DMBT1: variants seen among roughly 807,000 people sequenced by gnomAD.
DMBT1 encodes the protein deleted in malignant brain tumors 1.
A neutral mutation model predicts 252.9 loss-of-function variants in DMBT1; 198 were observed. The ratio of observed to expected loss-of-function variants is 0.78; its 90% CI spans 0.70 to 0.88. The LOEUF (loss-of-function observed/expected upper bound fraction) is 0.88. Among genes scored for constraint, DMBT1 ranks in the 40% least tolerant of loss-of-function variants. The pLI is 0.00. For synonymous variants in DMBT1, 990 were observed against 942.7 expected (o/e 1.05, Z -0.92); for missense variants, 2,432 against 2,404.7 (o/e 1.01, Z -0.24).
At chr10:122,591,657 C>T in intron 19 of DMBT1, 140 bp downstream of exon 19, 3 of 1,004,052 alleles carry the variant, frequency 3.0e-6, no homozygotes, top group Admixed American at 2.2e-5. Context: ...GAAGTTGAGT[C>T]TCTGGGGAAC....
At chr10:122,593,200 G>C (rs948297571) in intron 20 of DMBT1, among the ~76,000 whole-genome samples, 2 of 148,912 alleles carry the variant, frequency 1.3e-5, no homozygotes, top group South Asian at 2.3e-4. Context: ...GACAGGCCAG[G>C]CATGGCCTTG....
At chr10:122,561,771 C>G (rs1017526426) in intron 1 of DMBT1, among the ~76,000 whole-genome samples, 1 of 151,416 alleles carries the variant, frequency 6.6e-6, no homozygotes, top group African/African-American at 2.4e-5. Context: ...TCTCCCTGCC[C>G]CCCTCACTGT....
In DMBT1 at chr10:122,586,356, A is replaced by G. The variant is rs372725474; in HGVS notation, c.1756A>G (p.Ser586Gly). ...CTGGCTCTCCCATAACTGTGGCCAT[A>G]GTGAAGACGCTGGTGTCATCTGCTC... Reference protein sequence around the residue: ...NGWLSHNCGHSEDAGVICSGP... With the variant: ...NGWLSHNCGHGEDAGVICSGP... The change falls in exon 16 of 56, where the codon AGT becomes GGT. Residue 586 changes from serine (S) to glycine (G), a missense_variant. Physicochemically the swap from Ser to Gly is moderately conservative, Grantham distance 56 (BLOSUM62 0). This residue lies in a region of DMBT1 where 1,264 missense variants were observed against 1,082.2 expected (regional missense o/e 1.17). Coordinates refer to ENST00000338354, the MANE Select transcript of DMBT1 (RefSeq NM_001377530.1). 1.9e-6 allele frequency: 3 copies of G among 1,588,614 alleles called. No individual in the cohort carries two copies. The highest frequency in any genetic ancestry group is 2.6e-6 in the Non-Finnish European group (3 of 1,165,812).
At position 122,619,334 on chromosome 10, in the gene DMBT1, C is replaced by T. The variant is rs767592252; in HGVS notation, c.5242C>T (p.Pro1748Ser). 29 of 1,613,850 alleles carry T rather than the reference C, an allele frequency of 1.8e-5. No homozygotes were observed. In the East Asian group the frequency reaches 6.2e-4, roughly 35 times the overall value. Residue 1748 changes from proline (P) to serine (S), a missense_variant, in exon 42 of 56, where the codon CCA becomes TCA. This residue lies in a region of DMBT1 where 1,162 missense variants were observed against 1,169.0 expected (regional missense o/e 0.99). Transcript: ENST00000338354. ...SAAQSQSTPR[P>S]DTWLTTNLPA... is the part of the protein sequence containing the mutation. ...TGCTCAGTCCCAGTCAACGCCCAGG[C>T]CAGGTGAGTCCCCAGCATCCTTCAT...
intron 49 of DMBT1, 129 bp downstream of exon 49, chr10:122,631,410 C>A: frequency 8.4e-7 from 1 of 1,185,582 alleles, no homozygotes; most frequent in Non-Finnish European, 1.2e-6. Context: ...GGCCTGCGCA[C>A]TCCAGAAGAG....
chr10:122,630,357 CCTG>C lies in DMBT1; in HGVS notation c.5896_5898del (p.Leu1966del), dbSNP rs755109107. On this transcript the variant is annotated inframe_deletion, in exon 48 of 56. Transcript: ENST00000338354. ...TTGATGGATCATTGAATAGCAGTCT[CCTG>C]CTGGGGAAAATCTGTAATGATACCA... 6.2e-7 allele frequency: 1 copy of C among 1,613,940 alleles called. No homozygotes were observed. The highest frequency in any genetic ancestry group is 2.2e-5 in the East Asian group (1 of 44,886).
At chr10:122,642,210 AT>A (rs1450209101) in intron 55 of DMBT1, among the ~76,000 whole-genome samples, 13 of 151,710 alleles carry the variant, frequency 8.6e-5, no homozygotes, top group African/African-American at 3.2e-4. Flanking sequence ...AAAACTTGGT[AT>A]TTGAGAGAAT....
Position 122,560,791 on chromosome 10 carries a change from C to A in DMBT1, c.21C>A (p.Ile7=). Residue 7 remains isoleucine, a synonymous_variant, in exon 1 of 56, where the codon ATC becomes ATA. Coordinates refer to ENST00000338354, the MANE Select transcript of DMBT1 (RefSeq NM_001377530.1). MGISTV[I]LEMCLLWGQV... is the part of the protein sequence containing the mutation. ...GCAAAATGGGGATCTCCACAGTCAT[C>A]CTTGAAATGTGTCTTTTATGGGGAC... The A allele has an allele frequency of 6.4e-7, 1 of 1,574,416 alleles. No homozygotes were observed. Among genetic ancestry groups the A allele is most frequent in the Non-Finnish European group, 8.6e-7 (1 of 1,157,950 alleles).
chr10:122,564,380 G>A (rs1387737532), intron 1 of DMBT1, among the ~76,000 whole-genome samples: 1 of 152,206 alleles, frequency 6.6e-6, no homozygotes, highest in Non-Finnish European at 1.5e-5. Flanking sequence ...GAGGCAGGAG[G>A]CTCGCTTGAA....
At chr10:122,580,539 C>T (rs1036158763) in intron 10 of DMBT1, among the ~76,000 whole-genome samples, 1 of 152,188 alleles carries the variant, frequency 6.6e-6, no homozygotes, top group African/African-American at 2.4e-5. Context: ...GAAGATCGCA[C>T]AAGGGATTTT....
In DMBT1 at chr10:122,588,940, A is replaced by G. The variant is rs368574412; in HGVS notation, c.1784-4A>G. ...TGATGAAGGGTTCTTGTGTTCTCCTATAGGACCTGAATCCAGTTTGGCCCT... is the reference window on the plus strand; with the variant it reads ...TGATGAAGGGTTCTTGTGTTCTCCTGTAGGACCTGAATCCAGTTTGGCCCT... On this transcript the variant is annotated splice_region_variant and splice_polypyrimidine_tract_variant and intron_variant, in intron 16 of 55. Transcript: ENST00000338354. 155 of 1,587,534 alleles carry G rather than the reference A, an allele frequency of 9.8e-5. 10 individuals carry two copies. Among genetic ancestry groups the G allele is most frequent in the African/African-American group, 7.6e-4 (57 of 74,512 alleles).
chr10:122,618,043 C>T lies in DMBT1; in HGVS notation c.4918C>T (p.Leu1640=). The T allele has an allele frequency of 6.2e-7, 1 of 1,613,256 alleles. No homozygotes were observed. The highest frequency in any genetic ancestry group is 8.5e-7 in the Non-Finnish European group (1 of 1,179,770). ...ATCTGAATCCACTTTGGCCCTGAGA[C>T]TGGTGAATGGAGGTGACAGGTGTCG... The part of the protein sequence containing the change: ...AGSESTLALR[L]VNGGDRCRGR... Residue 1640 remains leucine, a synonymous_variant, in exon 41 of 56, where the codon CTG becomes TTG. Transcript: ENST00000338354.
At chr10:122,636,401 G>A (rs2098227361) in intron 53 of DMBT1, among the ~76,000 whole-genome samples, 1 of 152,160 alleles carries the variant, frequency 6.6e-6, no homozygotes, top group African/African-American at 2.4e-5. Flanking sequence ...AGAACTGGCT[G>A]ATGGGTGATG....
At chr10:122,624,439 C>T (rs187222066) in intron 44 of DMBT1, among the ~76,000 whole-genome samples, 1 of 152,190 alleles carries the variant, frequency 6.6e-6, no homozygotes, top group Non-Finnish European at 1.5e-5. Flanking sequence ...GACCCAGAAA[C>T]CTTGGCCTTC....
At chr10:122,597,389 G>A (rs1373345875) in intron 24 of DMBT1, among the ~76,000 whole-genome samples, 1 of 152,152 alleles carries the variant, frequency 6.6e-6, no homozygotes, top group Non-Finnish European at 1.5e-5. Flanking sequence ...AATTGAGAGT[G>A]ATTGCCAAAG....
In DMBT1 at chr10:122,562,777, T is replaced by A. The variant is rs552689987; in HGVS notation, c.61+1946T>A. Among the ~76,000 whole-genome samples, 46 of 152,318 alleles carry A rather than the reference T, an allele frequency of 3.0e-4. No individual in the cohort carries two copies. The South Asian group carries it at 9.3e-3, about 31-fold the overall frequency. On this transcript the variant is annotated intron_variant, in intron 1 of 55. Coordinates refer to ENST00000338354, the MANE Select transcript of DMBT1 (RefSeq NM_001377530.1). ...CATGCCTGTGTTTGCCATTCAGAGG[T>A]GGGAATTCATGCTCTCTGAAGTGGA...
At chr10:122,572,811 A>G (rs185464367) in intron 5 of DMBT1, among the ~76,000 whole-genome samples, 29 of 152,226 alleles carry the variant, frequency 1.9e-4, no homozygotes, top group African/African-American at 6.0e-4. Flanking sequence ...CTCCCTTTTT[A>G]AAATTTGAGG....
chr10:122,566,127 G>A (rs556484823), intron 2 of DMBT1, 131 bp downstream of exon 2: 123 of 929,130 alleles, frequency 1.3e-4, no homozygotes, highest in Non-Finnish European at 1.9e-4. Flanking sequence ...CAGGAATGCC[G>A]GGGGGACAGG....
rs777905448 is a variant in DMBT1, at chr10:122,631,072, T to C, written c.6137T>C (p.Ile2046Thr). The change falls in exon 49 of 56, where the codon ATT (isoleucine) becomes ACT (threonine). Residue 2046 changes from isoleucine (I) to threonine (T), a missense_variant. By Grantham distance (89) the Ile-to-Thr change is moderately conservative. Coordinates refer to ENST00000338354, the MANE Select transcript of DMBT1 (RefSeq NM_001377530.1). ...ACAGTTTGTGATGACTCCTGGACCATTCAGGAAGCTGAGGTGGTCTGCAGA... is the reference window on the plus strand; with the variant it reads ...ACAGTTTGTGATGACTCCTGGACCACTCAGGAAGCTGAGGTGGTCTGCAGA... ...WGTVCDDSWT[I>T]QEAEVVCRQL... The C allele has an allele frequency of 1.9e-6, 3 of 1,613,886 alleles. No individual in the cohort carries two copies. The highest frequency in any genetic ancestry group is 2.7e-5 in the African/African-American group (2 of 74,926).
Sources: allele counts gnomAD v4.1 joint callset (sites outside exome capture counted in the v4.1 genomes callset), GRCh38; gene constraint gnomAD v4.1.1; regional missense constraint gnomAD v4.1.1; transcripts MANE v1.5; gene names NCBI Gene and HGNC (gene_info 2026-07-23, HGNC 2026-07-21).